The following SCAPER variants were observed in gnomAD, a reference collection of about 807,000 sequenced individuals.
SCAPER encodes the protein S phase cyclin A-associated protein in the endoplasmic reticulum.
Under a neutral mutation model 182.2 loss-of-function variants are expected in SCAPER, and 98 were observed. That is an observed-to-expected ratio of 0.54 (90% confidence interval 0.46 to 0.64). SCAPER has a LOEUF of 0.64. Ranked by LOEUF, SCAPER falls within the 30% of genes least tolerant of loss-of-function variation. SCAPER has a pLI of 0.00. For missense variants in SCAPER, 1,432 were observed against 1,690.0 expected, an observed-to-expected ratio of 0.85 and a Z score of 2.68; for synonymous variants, 605 against 564.6, an observed-to-expected ratio of 1.07 and a Z score of -1.01.
chr15:76,398,402 G>C (rs985452053), intron 27 of SCAPER, among the ~76,000 whole-genome samples: 4 of 152,214 alleles, frequency 2.6e-5, no homozygotes, highest in African/African-American at 9.6e-5. Context: ...AGCTTACAGA[G>C]TCCTTAGACA....
intron 20 of SCAPER, among the ~76,000 whole-genome samples, chr15:76,686,763 T>C (rs547423909): frequency 7.2e-5 from 11 of 152,072 alleles, no homozygotes; most frequent in Non-Finnish European, 1.3e-4. Context: ...ATAAGCATTA[T>C]AATACTGAAG....
At chr15:76,450,566 T>A (rs1404304043) in intron 25 of SCAPER, among the ~76,000 whole-genome samples, 2 of 152,164 alleles carry the variant, frequency 1.3e-5, no homozygotes, top group East Asian at 3.8e-4. Flanking sequence ...TACACATATA[T>A]ATTTTGAGAT....
chr15:76,887,774 C>T (rs1345340771), intron 1 of SCAPER, among the ~76,000 whole-genome samples: 1 of 152,218 alleles, frequency 6.6e-6, no homozygotes, highest in Non-Finnish European at 1.5e-5. Flanking sequence ...CTTAAACGTC[C>T]CTGTCTGATG....
Position 76,539,067 on chromosome 15 carries a change from TA to T in SCAPER, c.2839-34094del, listed in dbSNP as rs564324949. On this transcript the variant is annotated intron_variant, in intron 23 of 31. Coordinates refer to ENST00000563290, the MANE Select transcript of SCAPER (RefSeq NM_020843.4). Reference sequence around the variant, plus strand: ...ATGCCAAGTAAACTAATGTTGTAAGTAAAAAAAAAAAAAGTTTCAACTAAAA... The same window carrying T: ...ATGCCAAGTAAACTAATGTTGTAAGTAAAAAAAAAAAAGTTTCAACTAAAA... 3.6e-3 allele frequency among the ~76,000 whole-genome samples: 502 copies of T among 140,658 alleles called. 3 individuals carry two copies. Among genetic ancestry groups the T allele is most frequent in the Middle Eastern group, 7.2e-3 (2 of 276 alleles). 92.3% of individuals were successfully genotyped at this position (140,658 alleles called of 152,430 possible).
Position 76,621,845 on chromosome 15 carries a change from G to A in SCAPER, c.2646-16C>T. 1 of 1,574,238 alleles carries A rather than the reference G, an allele frequency of 6.4e-7. No individual in the cohort carries two copies. Among genetic ancestry groups the A allele is most frequent in the Non-Finnish European group, 8.6e-7 (1 of 1,156,388 alleles). On this transcript the variant is annotated splice_polypyrimidine_tract_variant and intron_variant, in intron 21 of 31. Transcript: ENST00000563290. ...TTCCTTAGCCCTGAAGAGAAAAAAA[G>A]TTTTAACACAGTTATTTCACTGCTA...
chr15:76,682,398 G>C lies in SCAPER; in HGVS notation c.2509-16609C>G, dbSNP rs1413484916. On this transcript the variant is annotated intron_variant, in intron 20 of 31. Transcript: ENST00000563290. ...GTGCCATCATTGCCAGTTTGAATGT[G>C]CACACAGACATTGGCGGCCCCATGC... 3.3e-5 allele frequency among the ~76,000 whole-genome samples: 5 copies of C among 151,854 alleles called. 1 individual carries two copies. The East Asian group carries it at 9.7e-4, about 29-fold the overall frequency.
At chr15:76,687,583 C>T (rs967185391) in intron 20 of SCAPER, among the ~76,000 whole-genome samples, 1 of 152,066 alleles carries the variant, frequency 6.6e-6, no homozygotes, top group Non-Finnish European at 1.5e-5. Context: ...TAATACTATC[C>T]CTCCCCTAGC....
At chr15:76,681,458 G>C (rs1169169127) in intron 20 of SCAPER, among the ~76,000 whole-genome samples, 1 of 152,226 alleles carries the variant, frequency 6.6e-6, no homozygotes, top group African/African-American at 2.4e-5. Flanking sequence ...TAGTGGCCAA[G>C]ATGGCCAACT....
intron 29 of SCAPER, among the ~76,000 whole-genome samples, chr15:76,374,715 G>A (rs1036306887): frequency 2.0e-5 from 3 of 151,592 alleles, no homozygotes; most frequent in Admixed American, 2.0e-4. Flanking sequence ...TCGAACTCCT[G>A]ACCTCAGGTG....
chr15:76,587,854 T>G (rs1200581073), intron 22 of SCAPER, among the ~76,000 whole-genome samples: 1 of 152,164 alleles, frequency 6.6e-6, no homozygotes, highest in Non-Finnish European at 1.5e-5. Flanking sequence ...ATGACCTGCC[T>G]AGTGCTGTCA....
At chr15:76,425,926 C>T (rs987698570) in intron 26 of SCAPER, among the ~76,000 whole-genome samples, 4 of 152,208 alleles carry the variant, frequency 2.6e-5, no homozygotes, top group South Asian at 4.1e-4. Context: ...TGCAGAACAG[C>T]GAATATTGCT....
chr15:76,552,513 C>A (rs759029915), intron 23 of SCAPER, among the ~76,000 whole-genome samples: 1 of 152,010 alleles, frequency 6.6e-6, no homozygotes, highest in Non-Finnish European at 1.5e-5. Flanking sequence ...GCTCCTGGAC[C>A]CCAACTGACT....
rs893918285 is a variant in SCAPER at position 76,354,902 on chromosome 15, T to C, written c.3856-762A>G. Among the ~76,000 whole-genome samples the C allele has an allele frequency of 2.0e-5, 3 of 152,208 alleles. No individual in the cohort carries two copies. The highest frequency in any genetic ancestry group is 4.4e-5 in the Non-Finnish European group (3 of 68,036). ...ATGATAAACTAAGAAATGTCAAAATTAGATCTGTTTCAAGTAACCTTGATT... is the reference window on the plus strand; with the variant it reads ...ATGATAAACTAAGAAATGTCAAAATCAGATCTGTTTCAAGTAACCTTGATT... On this transcript the variant is annotated intron_variant, in intron 29 of 31. Coordinates refer to ENST00000563290, the MANE Select transcript of SCAPER (RefSeq NM_020843.4). This position sits in a 1 kb window ranked among gnomAD's most constrained non-coding sequence, Gnocchi z 4.4.
intron 6 of SCAPER, among the ~76,000 whole-genome samples, chr15:76,800,833 C>T (rs147974269): frequency 2.0e-5 from 3 of 152,318 alleles, no homozygotes; most frequent in Non-Finnish European, 4.4e-5. Context: ...CCTTCCTCTA[C>T]CTCTTAATCA....
intron 4 of SCAPER, among the ~76,000 whole-genome samples, chr15:76,846,802 C>CA (rs1474599342): frequency 1.3e-5 from 2 of 151,576 alleles, no homozygotes; most frequent in East Asian, 3.9e-4. Flanking sequence ...AGAGGTTCCT[C>CA]AAAAAAACAA....
intron 23 of SCAPER, among the ~76,000 whole-genome samples, chr15:76,560,499 C>A (rs2046534618): frequency 6.6e-6 from 1 of 152,170 alleles, no homozygotes; most frequent in Non-Finnish European, 1.5e-5. Flanking sequence ...GATAAGGAAA[C>A]TGACACCCAG....
intron 29 of SCAPER, among the ~76,000 whole-genome samples, chr15:76,364,273 C>A (rs1471692674): frequency 6.6e-6 from 1 of 152,072 alleles, no homozygotes; most frequent in Non-Finnish European, 1.5e-5. Flanking sequence ...GGGAAGTAGG[C>A]CCTTTAAGCA....
At chr15:76,497,601 G>A (rs1287833201) in intron 24 of SCAPER, among the ~76,000 whole-genome samples, 1 of 152,150 alleles carries the variant, frequency 6.6e-6, no homozygotes, top group African/African-American at 2.4e-5. Flanking sequence ...AACTGTGAGA[G>A]TCTAGATTTT....
chr15:76,594,263 G>C (rs1358005448), intron 22 of SCAPER, among the ~76,000 whole-genome samples: 1 of 119,706 alleles, frequency 8.4e-6, no homozygotes, highest in Non-Finnish European at 2.0e-5. Context: ...AAAGCATGAA[G>C]ACAAGATTAG....
Sources: gnomAD v4.1 joint callset for allele counts (sites outside exome capture counted in the v4.1 genomes callset) on GRCh38, gnomAD v4.1.1 for gene constraint, Gnocchi (gnomAD v3.1) non-coding constraint, MANE v1.5 for transcripts, NCBI Gene and HGNC (gene_info 2026-07-23, HGNC 2026-07-21) for gene names.